The following CPEB3 variants were observed in gnomAD, a reference collection of about 807,000 sequenced individuals.
The protein encoded by CPEB3 is cytoplasmic polyadenylation element-binding protein 3.
Under a neutral mutation model 67.2 loss-of-function variants are expected in CPEB3, and 20 were observed. That is an observed-to-expected ratio of 0.30 (90% CI 0.21 to 0.43). CPEB3 has a LOEUF of 0.43. Ranked by LOEUF, CPEB3 falls within the 20% of genes least tolerant of loss-of-function variation. CPEB3 has a pLI of 1.00. For synonymous variants in CPEB3, 376 were observed against 393.1 expected, an observed-to-expected ratio of 0.96 and a Z score of 0.51; for missense variants, 746 against 968.6, an observed-to-expected ratio of 0.77 and a Z score of 3.05.
chr10:92,125,236 C>G (rs978758287), intron 6 of CPEB3, among the ~76,000 whole-genome samples: 1 of 152,212 alleles, frequency 6.6e-6, no homozygotes, highest in Admixed American at 6.5e-5. Flanking sequence ...TTCACCTGGA[C>G]CCTGTGCCCC....
chr10:92,289,129 G>C (rs1320279858), intron 1 of CPEB3, among the ~76,000 whole-genome samples: 2 of 152,100 alleles, frequency 1.3e-5, no homozygotes, highest in Non-Finnish European at 2.9e-5. Context: ...TGTAATCCCA[G>C]CTACTCCGGA....
intron 1 of CPEB3, among the ~76,000 whole-genome samples, chr10:92,240,688 A>C (rs527612741): frequency 2.6e-5 from 4 of 152,176 alleles, no homozygotes; most frequent in Non-Finnish European, 5.9e-5. Context: ...ACCGGAACTC[A>C]GAGCGTTCGC....
intron 9 of CPEB3, among the ~76,000 whole-genome samples, chr10:92,068,593 C>T (rs1209165259): frequency 6.6e-6 from 1 of 152,048 alleles, no homozygotes. Context: ...TTTTCCAATT[C>T]TTTATCTCAT....
At chr10:92,278,234 A>G (rs1279416263) in intron 1 of CPEB3, among the ~76,000 whole-genome samples, 3 of 152,230 alleles carry the variant, frequency 2.0e-5, no homozygotes, top group East Asian at 1.9e-4. Context: ...CTTAATTTCC[A>G]TACAAATTTT....
chr10:92,248,617 C>G (rs1852165482), intron 1 of CPEB3, among the ~76,000 whole-genome samples: 1 of 152,092 alleles, frequency 6.6e-6, no homozygotes, highest in South Asian at 2.1e-4. Flanking sequence ...GTATTAAATT[C>G]ATTTAGAAGA....
At chr10:92,230,008 T>C (rs745648695) in intron 2 of CPEB3, among the ~76,000 whole-genome samples, 49 of 151,628 alleles carry the variant, frequency 3.2e-4, no homozygotes, top group Non-Finnish European at 7.4e-5. Context: ...ATCGCACCAT[T>C]GCACTCCAGC....
intron 1 of CPEB3, among the ~76,000 whole-genome samples, chr10:92,270,575 T>C (rs868098352): frequency 4.0e-4 from 61 of 150,692 alleles, no homozygotes; most frequent in African/African-American, 1.5e-3. Context: ...TTTTTTTTTT[T>C]TTTTTGACAC....
chr10:92,240,191 G>A lies in CPEB3; in HGVS notation c.160C>T (p.Pro54Ser). ...GGGGCAGCGGCTGGGCTGAGGGCCG[G>A]CACTGCGCTGTTTTCCTCCGGCTTG... is the stretch of plus-strand genomic sequence containing the variant. ...TPKPEENSAVPALSPAAAPPA... is the reference protein window; with the variant it reads ...TPKPEENSAVSALSPAAAPPA... Residue 54 changes from proline (P) to serine (S), a missense_variant, in exon 2 of 10, where the codon CCG (proline) becomes TCG (serine). Pro to Ser is a moderately conservative substitution (Grantham distance 74). This residue lies in a region of CPEB3 where 643 missense variants were observed against 717.5 expected (regional missense o/e 0.90). Transcript: ENST00000265997. 1 of 1,522,788 alleles carries A rather than the reference G, an allele frequency of 6.6e-7. No individual in the cohort carries two copies. Among genetic ancestry groups the A allele is most frequent in the Non-Finnish European group, 8.8e-7 (1 of 1,133,040 alleles). 94.3% of individuals were successfully genotyped at this position (1,522,788 alleles called of 1,614,324 possible).
chr10:92,200,545 CAAAAAA>C (rs57165866), intron 2 of CPEB3, among the ~76,000 whole-genome samples: 3 of 54,556 alleles, frequency 5.5e-5, no homozygotes, highest in African/African-American at 8.1e-5. Flanking sequence ...AACTCCGTCT[CAAAAAA>C]AAAAAAAAAA....
intron 4 of CPEB3, among the ~76,000 whole-genome samples, chr10:92,160,652 C>G (rs1442757781): frequency 6.6e-6 from 1 of 152,096 alleles, no homozygotes; most frequent in Non-Finnish European, 1.5e-5. Context: ...CCCCTTATAT[C>G]TGATTTCTGG....
At chr10:92,070,485 A>C (rs1356965686) in intron 9 of CPEB3, among the ~76,000 whole-genome samples, 2 of 152,166 alleles carry the variant, frequency 1.3e-5, no homozygotes, top group Non-Finnish European at 2.9e-5. Flanking sequence ...TGTTTAAAAA[A>C]TTCAGATATG....
intron 4 of CPEB3, among the ~76,000 whole-genome samples, chr10:92,149,581 T>C (rs1846861510): frequency 6.6e-6 from 1 of 152,220 alleles, no homozygotes; most frequent in Non-Finnish European, 1.5e-5. Flanking sequence ...TGGACAGTTT[T>C]ATTAAGTGGT....
chr10:92,289,919 T>C (rs1276903021), intron 1 of CPEB3, among the ~76,000 whole-genome samples: 1 of 109,610 alleles, frequency 9.1e-6, no homozygotes, highest in Non-Finnish European at 1.8e-5. Flanking sequence ...TGTGTGTGTA[T>C]GTGTGTGGTG....
At chr10:92,161,051 A>T (rs1383492362) in intron 4 of CPEB3, among the ~76,000 whole-genome samples, 1 of 152,012 alleles carries the variant, frequency 6.6e-6, no homozygotes, top group Admixed American at 6.6e-5. Context: ...TAATTTCTGT[A>T]TCTTTTGTAG....
rs554550356 is a variant in CPEB3 at position 92,094,458 on chromosome 10, C to T, written c.1573-2514G>A. On this transcript the variant is annotated intron_variant, in intron 7 of 9. Coordinates refer to ENST00000265997, the MANE Select transcript of CPEB3 (RefSeq NM_014912.5). ...TCTACTAAAGATACGAAAAATTAGC[C>T]GGGCGTGGTAGCGGGCGCCTGTGGT... 5.6e-3 allele frequency among the ~76,000 whole-genome samples: 844 copies of T among 151,934 alleles called. 2 individuals carry two copies. The highest frequency in any genetic ancestry group is 0.01 in the Admixed American group (156 of 15,280).
intron 2 of CPEB3, among the ~76,000 whole-genome samples, chr10:92,203,518 A>T (rs1267022606): frequency 9.0e-6 from 1 of 110,706 alleles, no homozygotes. Context: ...GTATATATAT[A>T]TATATATATA....
intron 1 of CPEB3, among the ~76,000 whole-genome samples, chr10:92,249,404 A>G (rs139097870): frequency 0.018 from 2,698 of 151,926 alleles, 28 homozygotes; most frequent in Non-Finnish European, 0.028. Flanking sequence ...ATTATAGCAC[A>G]TACAATTATG....
Position 92,047,571 on chromosome 10 carries a change from A to G in CPEB3, c.*4641T>C, listed in dbSNP as rs1264980957. 2.0e-5 allele frequency: 3 copies of G among 152,258 alleles called. No individual in the cohort carries two copies. The highest frequency in any genetic ancestry group is 6.5e-5 in the Admixed American group (1 of 15,294). 9.4% of individuals were successfully genotyped at this position (152,258 alleles called of 1,614,324 possible). A position where few individuals can be genotyped will look rare whatever the true frequency, so the allele number is the denominator to read the frequency against. On this transcript the variant is annotated 3_prime_UTR_variant, in exon 10 of 10. Transcript: ENST00000265997. ...TCACTAACAAGCTATAAAACACAAG[A>G]TATAGGCAGAAATCTAAGCATAATC...
At chr10:92,100,411 T>C (rs1013159117) in intron 7 of CPEB3, among the ~76,000 whole-genome samples, 2 of 151,820 alleles carry the variant, frequency 1.3e-5, no homozygotes, top group African/African-American at 4.8e-5. Context: ...GTAGCTGAGA[T>C]TACCGGCATG....
Sources: allele counts gnomAD v4.1 joint callset (sites outside exome capture counted in the v4.1 genomes callset), GRCh38; gene constraint gnomAD v4.1.1; regional missense constraint gnomAD v4.1.1; transcripts MANE v1.5; gene names NCBI Gene and HGNC (gene_info 2026-07-23, HGNC 2026-07-21).